Variants in CYP4F12 observed in about 807,000 individuals in gnomAD.
CYP4F12 encodes the protein cytochrome P450 4F12.
A neutral mutation model predicts 56.5 loss-of-function variants in CYP4F12; 60 were observed. The ratio of observed to expected loss-of-function variants is 1.06; its 90% CI spans 0.86 to 1.32. CYP4F12 has a LOEUF of 1.32. CYP4F12 is among the 40% of genes most tolerant of loss of function. The pLI is 0.00. For missense variants in CYP4F12, 711 were observed against 683.5 expected, an observed-to-expected ratio of 1.04 and a Z score of -0.45; for synonymous variants, 263 against 264.9, an observed-to-expected ratio of 0.99 and a Z score of 0.07.
chr19:15,674,699 T>TCATTCCTCTCCTCACTC (rs1414230819), intron 2 of CYP4F12, among the ~76,000 whole-genome samples: 3 of 151,630 alleles, frequency 2.0e-5, no homozygotes, highest in African/African-American at 7.3e-5. Context: ...CCTCATTCAC[T>TCATTCCTCTCCTCACTC]GATTCCTCTA....
At chr19:15,677,744 A>G (rs199829167) in intron 2 of CYP4F12, among the ~76,000 whole-genome samples, 1 of 21,346 alleles carries the variant, frequency 4.7e-5, no homozygotes, top group Admixed American at 4.9e-4. Context: ...TCACTCACTC[A>G]TTCCTCTACC....
chr19:15,689,387 A>T (rs2007771479), intron 9 of CYP4F12, among the ~76,000 whole-genome samples: 1 of 152,244 alleles, frequency 6.6e-6, no homozygotes, highest in Admixed American at 6.5e-5. Context: ...CATCAGGGAT[A>T]TGCAAATTAA....
At position 15,682,394 on chromosome 19, in the gene CYP4F12, G is replaced by A. The variant is rs773454359; in HGVS notation, c.531G>A (p.Lys177=). The A allele has an allele frequency of 2.5e-6, 4 of 1,612,942 alleles. No individual in the cohort carries two copies. The highest frequency in any genetic ancestry group is 2.2e-5 in the East Asian group (1 of 44,856). The change falls in exon 6 of 13, where the codon AAG becomes AAA. Residue 177 remains lysine (K), a synonymous_variant. Transcript: ENST00000550308. ...CTCTTCCCTTCTCTGGCCAGGACAA[G>A]TGGCAGCACCTGGCCTCAGAGGGCA... ...FNKSANIMLD[K]WQHLASEGSS... is the part of the protein sequence containing the mutation.
intron 1 of CYP4F12, 87 bp from the exon 2 acceptor site, chr19:15,673,442 G>T: frequency 6.9e-7 from 1 of 1,446,538 alleles, no homozygotes. Context: ...CCTGCCCCCA[G>T]CAGTTCCTGA....
chr19:15,683,463 G>C (rs200319128), intron 6 of CYP4F12, 30 bp from the exon 7 acceptor site: 2 of 1,556,084 alleles, frequency 1.3e-6, no homozygotes, highest in African/African-American at 2.7e-5. Context: ...ACGTTACATT[G>C]TTGCCTCCCT....
chr19:15,694,076 GT>G (rs973895926), intron 9 of CYP4F12, among the ~76,000 whole-genome samples: 1 of 151,970 alleles, frequency 6.6e-6, no homozygotes, highest in African/African-American at 2.4e-5. Flanking sequence ...GTACCATGCT[GT>G]TTTGGTTACT....
In CYP4F12 at chr19:15,684,671, G is replaced by T. The variant is rs998037083; in HGVS notation, c.919-145G>T. Reference sequence around the variant, plus strand: ...GATGGTGAACAAGAGAGATCTAGACGTGCAGAGTGCATTTGAGTTTCTGGA... The same window carrying T: ...GATGGTGAACAAGAGAGATCTAGACTTGCAGAGTGCATTTGAGTTTCTGGA... On this transcript the variant is annotated intron_variant, in intron 7 of 12. Transcript: ENST00000550308. 4 of 768,014 alleles carry T rather than the reference G, an allele frequency of 5.2e-6. 1 individual carries two copies. In the South Asian group the frequency reaches 5.2e-5, roughly 10 times the overall value. The allele number at this position is 768,014 out of a possible 1,614,324, so 47.6% of individuals were successfully genotyped here.
intron 9 of CYP4F12, among the ~76,000 whole-genome samples, chr19:15,695,509 A>AAAACC (rs1555754097): frequency 1.3e-4 from 19 of 150,394 alleles, no homozygotes; most frequent in African/African-American, 3.2e-4. Flanking sequence ...ATAATAAAAA[A>AAAACC]AAAAAAACAA....
chr19:15,680,420 C>T lies in CYP4F12; in HGVS notation c.426C>T (p.Asp142=), dbSNP rs374559031. Residue 142 remains aspartate, a synonymous_variant, in exon 5 of 13, where the codon GAC becomes GAT. Coordinates refer to ENST00000550308, the MANE Select transcript of CYP4F12 (RefSeq NM_023944.4). ...LGEGILLSGG[D]KWSRHRRMLT... is the part of the protein sequence containing the mutation. ...AAGGGATACTGCTGAGTGGCGGTGA[C>T]AAGTGGAGCCGCCACCGTCGGATGC... 80 of 1,613,702 alleles carry T rather than the reference C, an allele frequency of 5.0e-5. No homozygotes were observed. Among genetic ancestry groups the T allele is most frequent in the Non-Finnish European group, 6.0e-5 (71 of 1,179,920 alleles).
In CYP4F12 at chr19:15,680,928, G is replaced by A. The variant is rs1033024310; in HGVS notation, c.525+409G>A. On this transcript the variant is annotated intron_variant, in intron 5 of 12. Transcript: ENST00000550308. ...GATCACTCTTGGCACATGAGCAGCT[G>A]TGGGTCGGGGGGCAGCTTTGCTGAT... is the stretch of plus-strand genomic sequence containing the variant. 12 of 314,392 alleles carry A rather than the reference G, an allele frequency of 3.8e-5. No homozygotes were observed. The East Asian group carries it at 9.2e-4, about 24-fold the overall frequency. 19.5% of individuals were successfully genotyped at this position (314,392 alleles called of 1,614,324 possible).
chr19:15,692,676 T>C (rs1408382690), intron 9 of CYP4F12, among the ~76,000 whole-genome samples: 1 of 152,168 alleles, frequency 6.6e-6, no homozygotes, highest in Non-Finnish European at 1.5e-5. Flanking sequence ...CTAAAAGCTC[T>C]AGAAGGAACC....
chr19:15,695,220 G>C (rs2008064086), intron 9 of CYP4F12, among the ~76,000 whole-genome samples: 1 of 151,954 alleles, frequency 6.6e-6, no homozygotes, highest in Admixed American at 6.6e-5. Context: ...GATGAAATTG[G>C]AAATCATCAT....
chr19:15,696,621 T>C, intron 12 of CYP4F12, 109 bp downstream of exon 12: 1 of 1,342,104 alleles, frequency 7.5e-7, no homozygotes, highest in South Asian at 1.3e-5. Flanking sequence ...CTCCATTCCT[T>C]CACAGTTTAT....
intron 9 of CYP4F12, 39 bp from the exon 10 acceptor site, chr19:15,695,897 G>A (rs1046346901): frequency 1.3e-6 from 2 of 1,589,082 alleles, no homozygotes; most frequent in Non-Finnish European, 1.7e-6. Context: ...TTGTGTATTT[G>A]TTCCCTTGAT....
chr19:15,696,270 T>TTG (rs145964606), intron 11 of CYP4F12, 45 bp downstream of exon 11: 342 of 1,532,076 alleles, frequency 2.2e-4, no homozygotes, highest in South Asian at 8.4e-4. Flanking sequence ...TCCTCTACTT[T>TTG]TGTGTGTGTG....
chr19:15,685,002 G>T, intron 8 of CYP4F12, 66 bp from the exon 9 acceptor site: 1 of 1,588,538 alleles, frequency 6.3e-7, no homozygotes, highest in South Asian at 1.1e-5. Flanking sequence ...TCCTCCTGAG[G>T]GCCTCAATAT....
intron 5 of CYP4F12, chr19:15,681,705 C>T (rs2007309431): frequency 6.6e-6 from 1 of 152,312 alleles, no homozygotes; most frequent in African/African-American, 2.4e-5. Context: ...GCAAATACAA[C>T]TCTGAGAAAT....
chr19:15,684,270 C>A (rs2007478450), intron 7 of CYP4F12: 1 of 155,592 alleles, frequency 6.4e-6, no homozygotes, highest in African/African-American at 2.4e-5. Flanking sequence ...TATGCTCCTT[C>A]TTTATTACAG....
intron 9 of CYP4F12, among the ~76,000 whole-genome samples, chr19:15,695,049 A>G (rs2008055001): frequency 6.6e-6 from 1 of 152,250 alleles, no homozygotes; most frequent in Non-Finnish European, 1.5e-5. Context: ...AGACACATGC[A>G]CATGTATGTT....
Sources: allele counts gnomAD v4.1 joint callset (sites outside exome capture counted in the v4.1 genomes callset), GRCh38; gene constraint gnomAD v4.1.1; transcripts MANE v1.5; gene names NCBI Gene and HGNC (gene_info 2026-07-23, HGNC 2026-07-21).